Variants in TXLNB observed in about 807,000 individuals in gnomAD.
The protein encoded by TXLNB is beta-taxilin.
TXLNB carries 37 observed loss-of-function variants against 57.4 expected under a neutral mutation model. The ratio of observed to expected loss-of-function variants is 0.64; its 90% CI spans 0.50 to 0.85. The LOEUF is 0.85. Ranked by LOEUF, TXLNB falls within the 40% of genes least tolerant of loss-of-function variation. The pLI, the probability that TXLNB is intolerant of heterozygous loss-of-function variation, is 0.00. For missense variants in TXLNB, 848 were observed against 825.6 expected (o/e 1.03, Z -0.33); for synonymous variants, 302 against 309.6 (o/e 0.98, Z 0.26).
intron 4 of TXLNB, among the ~76,000 whole-genome samples, chr6:139,265,242 C>T (rs907526086): frequency 6.6e-6 from 1 of 152,228 alleles, no homozygotes; most frequent in Non-Finnish European, 1.5e-5. Context: ...ACAAATGCTT[C>T]TCATTTCTTT....
chr6:139,306,258 T>A, the TXLNB span, among the ~76,000 whole-genome samples: 2 of 152,348 alleles, frequency 1.3e-5, no homozygotes, highest in African/African-American at 2.4e-5. Context: ...CCAGTCCTAC[T>A]GAGCTGCTCC....
At chr6:139,193,241 CTTT>C in the TXLNB span, among the ~76,000 whole-genome samples, 4 of 101,210 alleles carry the variant, frequency 4.0e-5, no homozygotes, top group African/African-American at 1.5e-4. Flanking sequence ...CTTTGACCCT[CTTT>C]TTTTTTTTTT....
the TXLNB span, among the ~76,000 whole-genome samples, chr6:139,232,970 A>G: frequency 6.6e-6 from 1 of 152,230 alleles, no homozygotes; most frequent in Admixed American, 6.5e-5. Flanking sequence ...AATGTGTGGA[A>G]AAGCTTTGTA....
At chr6:139,244,771 G>A (rs1776032692) in intron 8 of TXLNB, 81 bp from the exon 9 acceptor site, 2 of 899,702 alleles carry the variant, frequency 2.2e-6, no homozygotes, top group Admixed American at 2.0e-5. Flanking sequence ...TGTGAGACCA[G>A]GAGAAGCCCT....
At chr6:139,175,317 G>A in the TXLNB span, among the ~76,000 whole-genome samples, 1 of 152,142 alleles carries the variant, frequency 6.6e-6, no homozygotes, top group Non-Finnish European at 1.5e-5. Context: ...GCTCTAAAGT[G>A]TTCCAGCCTG....
intron 4 of TXLNB, chr6:139,268,828 T>C (rs1230480784): frequency 1.3e-5 from 2 of 152,214 alleles, no homozygotes; most frequent in African/African-American, 4.8e-5. Context: ...TCCTGCTACT[T>C]TGATCATTCT....
chr6:139,190,900 G>T, the TXLNB span, among the ~76,000 whole-genome samples: 1 of 152,134 alleles, frequency 6.6e-6, no homozygotes, highest in Non-Finnish European at 1.5e-5. Flanking sequence ...CCATAGCAGT[G>T]CTCCTGTGTG....
chr6:139,207,951 C>T, the TXLNB span, among the ~76,000 whole-genome samples: 5 of 152,110 alleles, frequency 3.3e-5, no homozygotes, highest in African/African-American at 1.2e-4. Flanking sequence ...TGGTGCGCAC[C>T]TATAATCCCA....
chr6:139,298,501 T>C, the TXLNB span, among the ~76,000 whole-genome samples: 1 of 152,338 alleles, frequency 6.6e-6, no homozygotes, highest in East Asian at 1.9e-4. Flanking sequence ...TCCCCATCTT[T>C]GAAGAGCTCT....
chr6:139,213,909 TCTC>T, the TXLNB span, among the ~76,000 whole-genome samples: 1 of 151,794 alleles, frequency 6.6e-6, no homozygotes, highest in African/African-American at 2.4e-5. Flanking sequence ...ACACATACAC[TCTC>T]CCAAGACTAA....
At chr6:139,315,202 C>T in the TXLNB span, among the ~76,000 whole-genome samples, 1 of 152,136 alleles carries the variant, frequency 6.6e-6, no homozygotes, top group Non-Finnish European at 1.5e-5. Context: ...ATTCCATCTC[C>T]AACCTGACCA....
intron 3 of TXLNB, chr6:139,271,281 A>G (rs1776756369): frequency 6.6e-6 from 1 of 152,334 alleles, no homozygotes. Flanking sequence ...AAATATCTGT[A>G]ACACGCCTTG....
the TXLNB span, among the ~76,000 whole-genome samples, chr6:139,229,773 C>T: frequency 2.6e-5 from 4 of 152,332 alleles, no homozygotes; most frequent in South Asian, 4.1e-4. Context: ...CTACCACTCA[C>T]ATTATTTGGG....
the TXLNB span, among the ~76,000 whole-genome samples, chr6:139,218,118 T>A: frequency 6.6e-6 from 1 of 152,010 alleles, no homozygotes; most frequent in African/African-American, 2.4e-5. Context: ...CCCTTTAGGG[T>A]GTTCAGCTTC....
At chr6:139,272,800 G>A (rs1051298144) in intron 3 of TXLNB, among the ~76,000 whole-genome samples, 1 of 152,204 alleles carries the variant, frequency 6.6e-6, no homozygotes, top group Non-Finnish European at 1.5e-5. Context: ...CTGGGAGGCT[G>A]AGGCAGGCGG....
At chr6:139,271,928 A>G (rs1346087027) in intron 3 of TXLNB, 1 of 152,360 alleles carries the variant, frequency 6.6e-6, no homozygotes, top group Non-Finnish European at 1.5e-5. Flanking sequence ...TCTGGACCTC[A>G]GGTGTTCTGG....
the TXLNB span, chr6:139,159,399 CTT>C: frequency 6.6e-6 from 1 of 152,160 alleles, no homozygotes; most frequent in Non-Finnish European, 1.5e-5. Flanking sequence ...AACCAGTTCA[CTT>C]TTACACAGCT....
upstream of TXLNB, among the ~76,000 whole-genome samples, chr6:139,295,456 T>C (rs1374440629): frequency 6.6e-6 from 1 of 152,214 alleles, no homozygotes; most frequent in Non-Finnish European, 1.5e-5. Context: ...GGAAAATAAT[T>C]TGAAAATTCA....
intron 6 of TXLNB, among the ~76,000 whole-genome samples, chr6:139,258,527 T>A (rs533555126): frequency 6.6e-6 from 1 of 152,372 alleles, no homozygotes; most frequent in South Asian, 2.1e-4. Context: ...ACTTCTGATT[T>A]GAAATTATCC....
Sources: allele counts gnomAD v4.1 joint callset (sites outside exome capture counted in the v4.1 genomes callset), GRCh38; gene constraint gnomAD v4.1.1; transcripts MANE v1.5; gene names NCBI Gene and HGNC (gene_info 2026-07-23, HGNC 2026-07-21).